SMIM35: variants seen among roughly 807,000 people sequenced by gnomAD.
SMIM35 encodes small integral membrane protein 35, also known as TMPRSS4 antisense RNA 1 (non-protein coding).
intron 1 of SMIM35, among the ~76,000 whole-genome samples, chr11:118,084,432 G>A (rs1410424173): frequency 6.6e-6 from 1 of 152,234 alleles, no homozygotes; most frequent in East Asian, 1.9e-4. Flanking sequence ...AGACACTGAA[G>A]CACTATTAAA....
At chr11:118,022,947 T>G (rs1305123868) in intron 1 of SMIM35, among the ~76,000 whole-genome samples, 1 of 151,182 alleles carries the variant, frequency 6.6e-6, no homozygotes, top group Non-Finnish European at 1.5e-5. Context: ...ACACTGGGTC[T>G]TGGTTTTATG....
rs1394795623 is a variant in SMIM35 at position 118,013,770 on chromosome 11, C to T, written c.*11G>A. On this transcript the variant is annotated 3_prime_UTR_variant, in exon 4 of 5. Transcript: ENST00000689828. ...CACCTCCCCAGGGCTTCACAAGTTG[C>T]TGTCTCTGCATCAGACTAGCCCGTT... 2 of 399,070 alleles carry T rather than the reference C, an allele frequency of 5.0e-6. No homozygotes were observed. The highest frequency in any genetic ancestry group is 3.6e-5 in the East Asian group (1 of 28,108). The allele number at this position is 399,070 out of a possible 1,614,324, so 24.7% of individuals were successfully genotyped here.
chr11:118,073,254 C>T (rs1944601275), intron 1 of SMIM35, among the ~76,000 whole-genome samples: 1 of 152,184 alleles, frequency 6.6e-6, no homozygotes, highest in Admixed American at 6.5e-5. Flanking sequence ...ATCTCTTAAT[C>T]TTCATAACAA....
chr11:118,048,326 A>G (rs950988712), intron 1 of SMIM35, among the ~76,000 whole-genome samples: 1 of 152,208 alleles, frequency 6.6e-6, no homozygotes, highest in Non-Finnish European at 1.5e-5. Flanking sequence ...CCTGGCCAAT[A>G]TGGCGAAACC....
intron 1 of SMIM35, among the ~76,000 whole-genome samples, chr11:118,072,879 C>G (rs1944593910): frequency 6.6e-6 from 1 of 152,230 alleles, no homozygotes; most frequent in South Asian, 2.1e-4. Context: ...TACAACATCT[C>G]TCTTAGGCAC....
At chr11:118,058,546 G>A (rs113418897) in intron 1 of SMIM35, among the ~76,000 whole-genome samples, 1 of 152,180 alleles carries the variant, frequency 6.6e-6, no homozygotes, top group Non-Finnish European at 1.5e-5. Context: ...GCACGTGCCT[G>A]GGACCAGGCT....
chr11:118,048,694 G>A (rs531024187), intron 1 of SMIM35, among the ~76,000 whole-genome samples: 1 of 151,822 alleles, frequency 6.6e-6, no homozygotes, highest in African/African-American at 2.4e-5. Context: ...CAGGAATGAT[G>A]CAAAAGTCAT....
Position 118,048,515 on chromosome 11 carries a change from TAAGA to T in SMIM35, c.8-32710_8-32707del, listed in dbSNP as rs1189806859. ...ATGACAGAGCGAGACTCCATCTCAA[TAAGA>T]AAGAAAGGAAGAAAGAAAGAAGGAA... On this transcript the variant is annotated intron_variant, in intron 1 of 4. Transcript: ENST00000689828. Among the ~76,000 whole-genome samples, 4 of 118,446 alleles carry T rather than the reference TAAGA, an allele frequency of 3.4e-5. No homozygotes were observed. The East Asian group carries it at 7.2e-4, about 21-fold the overall frequency. 77.7% of individuals were successfully genotyped at this position (118,446 alleles called of 152,430 possible). A position where few individuals can be genotyped will look rare whatever the true frequency, so the allele number is the denominator to read the frequency against.
chr11:118,042,574 T>C (rs747600908), intron 1 of SMIM35, among the ~76,000 whole-genome samples: 1 of 152,174 alleles, frequency 6.6e-6, no homozygotes, highest in Non-Finnish European at 1.5e-5. Flanking sequence ...TTCCAAAAAA[T>C]AGAAGAGGCT....
At chr11:118,025,924 A>G in intron 1 of SMIM35, 2 of 351,268 alleles carry the variant, frequency 5.7e-6, no homozygotes, top group Non-Finnish European at 5.3e-6. Flanking sequence ...TTACAGTTTT[A>G]GGTCTTACAT....
intron 1 of SMIM35, among the ~76,000 whole-genome samples, chr11:118,045,964 T>G (rs778354235): frequency 2.0e-5 from 3 of 152,228 alleles, no homozygotes; most frequent in Non-Finnish European, 4.4e-5. Context: ...AAATATTAAC[T>G]TCACAAGGTT....
chr11:118,018,322 T>C (rs559396350), intron 1 of SMIM35, among the ~76,000 whole-genome samples: 49 of 152,280 alleles, frequency 3.2e-4, no homozygotes, highest in Non-Finnish European at 1.5e-5. Context: ...AGGATGTCTC[T>C]GGCTGGCTAC....
chr11:118,027,016 C>CTTT (rs60864416), intron 1 of SMIM35, among the ~76,000 whole-genome samples: 1,492 of 93,144 alleles, frequency 0.016, 39 homozygotes, highest in Non-Finnish European at 0.022. Context: ...ACCACCACCA[C>CTTT]TTTTTTTTTT....
intron 1 of SMIM35, among the ~76,000 whole-genome samples, chr11:118,020,055 G>C (rs2058214153): frequency 6.6e-6 from 1 of 152,176 alleles, no homozygotes; most frequent in Non-Finnish European, 1.5e-5. Flanking sequence ...CTGAGGTCAG[G>C]AGTTCAAGAC....
At chr11:118,041,381 C>T (rs1202030572) in intron 1 of SMIM35, among the ~76,000 whole-genome samples, 1 of 152,018 alleles carries the variant, frequency 6.6e-6, no homozygotes, top group Non-Finnish European at 1.5e-5. Flanking sequence ...TAAAACATCC[C>T]CTGGATAGAC....
intron 1 of SMIM35, chr11:118,029,098 C>T (rs967474645): frequency 8.7e-5 from 25 of 285,916 alleles, no homozygotes; most frequent in South Asian, 5.6e-4. Flanking sequence ...GGCAATCACA[C>T]GCTTGAAGTA....
In SMIM35 at chr11:118,086,848, G is replaced by C. The variant is rs1235344031; in HGVS notation, c.-91C>G. 1 of 152,884 alleles carries C rather than the reference G, an allele frequency of 6.5e-6. No individual in the cohort carries two copies. The highest frequency in any genetic ancestry group is 1.5e-5 in the Non-Finnish European group (1 of 68,218). 9.5% of individuals were successfully genotyped at this position (152,884 alleles called of 1,614,324 possible). ...AGCTGCAAGTGGAGAGGACACAGCT[G>C]CTTGCCGTTGGTTTTGGGGAGGGAT... is the stretch of plus-strand genomic sequence containing the variant. On this transcript the variant is annotated 5_prime_UTR_variant, in exon 1 of 5. Coordinates refer to ENST00000689828, the MANE Select transcript of SMIM35 (RefSeq NM_001394165.1).
At chr11:118,017,626 A>G (rs952587837) in intron 1 of SMIM35, among the ~76,000 whole-genome samples, 17 of 152,238 alleles carry the variant, frequency 1.1e-4, no homozygotes, top group Non-Finnish European at 1.5e-5. Context: ...TCTTATGACA[A>G]ATGTGACAAT....
intron 1 of SMIM35, chr11:118,031,785 G>A (rs1184692040): frequency 1.3e-5 from 2 of 152,004 alleles, no homozygotes; most frequent in Admixed American, 1.3e-4. Flanking sequence ...ACCAGAGTGA[G>A]CTTCATCAGT....
Sources: gnomAD v4.1 joint callset for allele counts (sites outside exome capture counted in the v4.1 genomes callset) on GRCh38, gnomAD v4.1.1 for gene constraint, MANE v1.5 for transcripts, NCBI Gene and HGNC (gene_info 2026-07-23, HGNC 2026-07-21) for gene names.